GRID2: variants seen among roughly 807,000 people sequenced by gnomAD.
GRID2 encodes the protein glutamate receptor ionotropic, delta-2.
A neutral mutation model predicts 114.8 loss-of-function variants in GRID2; 33 were observed. The observed-to-expected ratio is 0.29, with a 90% CI of 0.22 to 0.38. The LOEUF (loss-of-function observed/expected upper bound fraction) is 0.38, where lower values mean the gene tolerates loss of function less well. Among genes scored for constraint, GRID2 ranks in the 10% least tolerant of loss-of-function variants. GRID2 has a pLI of 1.00. For synonymous variants in GRID2, 505 were observed against 449.9 expected (o/e 1.12, Z -1.55); for missense variants, 1,184 against 1,257.7 (o/e 0.94, Z 0.89).
intron 4 of GRID2, among the ~76,000 whole-genome samples, chr4:93,145,642 TCC>T (rs370451397): frequency 5.1e-5 from 7 of 136,760 alleles, no homozygotes. Flanking sequence ...ATTTCTTTTT[TCC>T]TTTTTTTTTT....
At chr4:93,766,208 G>A (rs907079675) in intron 14 of GRID2, among the ~76,000 whole-genome samples, 8 of 152,270 alleles carry the variant, frequency 5.3e-5, no homozygotes, top group Non-Finnish European at 8.8e-5. Context: ...GTATTAGTTC[G>A]TTCTCTCACT....
At chr4:93,011,135 C>CT (rs920346554) in intron 2 of GRID2, among the ~76,000 whole-genome samples, 2 of 144,164 alleles carry the variant, frequency 1.4e-5, no homozygotes, top group African/African-American at 2.6e-5. Context: ...TTTTTTGTTT[C>CT]TTTTTTGTTG....
At chr4:93,757,952 G>A (rs139991430) in intron 14 of GRID2, among the ~76,000 whole-genome samples, 11 of 152,068 alleles carry the variant, frequency 7.2e-5, no homozygotes, top group African/African-American at 1.7e-4. Flanking sequence ...GCGAGACTCC[G>A]TCTCAAAAAA....
chr4:93,709,991 T>C (rs1329917248), intron 14 of GRID2, among the ~76,000 whole-genome samples: 1 of 152,222 alleles, frequency 6.6e-6, no homozygotes, highest in Non-Finnish European at 1.5e-5. Context: ...TTGAATTTCA[T>C]TGAACTTCCT....
At chr4:92,456,821 G>T (rs1047100812) in intron 1 of GRID2, among the ~76,000 whole-genome samples, 16 of 152,056 alleles carry the variant, frequency 1.1e-4, no homozygotes, top group African/African-American at 3.9e-4. Context: ...ACTATGTTAT[G>T]ATAACAACTA....
chr4:93,050,356 A>C (rs575365975), intron 2 of GRID2, among the ~76,000 whole-genome samples: 1 of 152,176 alleles, frequency 6.6e-6, no homozygotes. Flanking sequence ...GCTTTTTTAA[A>C]AAAATTTACC....
chr4:93,789,894 A>T (rs896352651), intron 1 of GRID2, among the ~76,000 whole-genome samples: 1 of 152,148 alleles, frequency 6.6e-6, no homozygotes, highest in African/African-American at 2.4e-5. Flanking sequence ...CAAGAAGTGA[A>T]TGGGGGTAAG....
Position 93,599,068 on chromosome 4 carries a change from T to C in GRID2, c.2194-27201T>C, listed in dbSNP as rs549748230. On this transcript the variant is annotated intron_variant, in intron 13 of 15. Coordinates refer to ENST00000282020, the MANE Select transcript of GRID2 (RefSeq NM_001510.4). The stretch of plus-strand genomic sequence containing the variant: ...ATTAAACATTGCCACAAAATTTTAC[T>C]TCCAACTCGATTCTAGGATATTTAA... Among the ~76,000 whole-genome samples the C allele has an allele frequency of 2.0e-5, 3 of 152,334 alleles. No homozygotes were observed. In the South Asian group the frequency reaches 6.2e-4, roughly 32 times the overall value.
At chr4:93,066,563 A>G (rs1266823308) in intron 2 of GRID2, among the ~76,000 whole-genome samples, 1 of 151,980 alleles carries the variant, frequency 6.6e-6, no homozygotes, top group Admixed American at 6.6e-5. Context: ...GACTGAAACT[A>G]TAGATAATAC....
intron 13 of GRID2, among the ~76,000 whole-genome samples, chr4:93,567,391 A>G (rs1195963135): frequency 6.6e-6 from 1 of 152,230 alleles, no homozygotes; most frequent in Admixed American, 6.5e-5. Context: ...CGTACAAATC[A>G]AAGCAAGGAA....
chr4:92,527,668 G>C (rs1358239670), intron 1 of GRID2, among the ~76,000 whole-genome samples: 2 of 151,932 alleles, frequency 1.3e-5, no homozygotes, highest in Non-Finnish European at 2.9e-5. Context: ...AAAAATTCAA[G>C]TGTGAATTTT....
At chr4:93,094,528 T>C (rs1167217127) in intron 3 of GRID2, among the ~76,000 whole-genome samples, 2 of 151,978 alleles carry the variant, frequency 1.3e-5, no homozygotes, top group Non-Finnish European at 2.9e-5. Flanking sequence ...TAACTCTTCA[T>C]TGATAATGAG....
In GRID2 at chr4:93,148,843, T is replaced by C. The variant is rs188425112; in HGVS notation, c.735+37890T>C. 3.3e-5 allele frequency among the ~76,000 whole-genome samples: 5 copies of C among 152,314 alleles called. No individual in the cohort carries two copies. In the South Asian group the frequency reaches 8.3e-4, roughly 25 times the overall value. On this transcript the variant is annotated intron_variant, in intron 4 of 15. Transcript: ENST00000282020. ...TGGTAGATATGTAATAAATATTTCA[T>C]GACTAAAGCAAGTAATATAGAAACA...
chr4:93,222,134 A>G (rs1340033920), intron 6 of GRID2, among the ~76,000 whole-genome samples: 1 of 152,182 alleles, frequency 6.6e-6, no homozygotes, highest in Non-Finnish European at 1.5e-5. Flanking sequence ...GCTAAGTCTT[A>G]GAGAAATAAA....
chr4:93,203,085 C>T (rs992164020), intron 4 of GRID2, among the ~76,000 whole-genome samples: 5 of 152,082 alleles, frequency 3.3e-5, no homozygotes, highest in South Asian at 2.1e-4. Flanking sequence ...TTTTTATTCC[C>T]CTTACTAAAT....
chr4:93,316,295 A>AGAAG (rs1342972313), intron 8 of GRID2, among the ~76,000 whole-genome samples: 2 of 47,722 alleles, frequency 4.2e-5, no homozygotes, highest in African/African-American at 2.0e-4. Flanking sequence ...AAAGAACGAA[A>AGAAG]GAAAGAAAGA....
At chr4:93,049,031 T>A (rs1226600054) in intron 2 of GRID2, among the ~76,000 whole-genome samples, 1 of 152,042 alleles carries the variant, frequency 6.6e-6, no homozygotes, top group African/African-American at 2.4e-5. Flanking sequence ...AGAATTCATC[T>A]GGGTGAATAT....
chr4:92,501,675 G>T (rs952131157), intron 1 of GRID2, among the ~76,000 whole-genome samples: 4 of 152,134 alleles, frequency 2.6e-5, no homozygotes, highest in Admixed American at 2.6e-4. Flanking sequence ...GCCTTACCCT[G>T]TATGACCTGG....
intron 2 of GRID2, among the ~76,000 whole-genome samples, chr4:93,042,320 C>T (rs898007863): frequency 1.0e-4 from 11 of 108,236 alleles, no homozygotes; most frequent in East Asian, 3.2e-4. Context: ...TATATATATA[C>T]ACCTATTTAA....
Sources: gnomAD v4.1 joint callset for allele counts (sites outside exome capture counted in the v4.1 genomes callset) on GRCh38, gnomAD v4.1.1 for gene constraint, MANE v1.5 for transcripts, NCBI Gene and HGNC (gene_info 2026-07-23, HGNC 2026-07-21) for gene names.